The following APCDD1L variants were observed in gnomAD, a reference collection of about 807,000 sequenced individuals.
The protein encoded by APCDD1L is protein APCDD1-like.
Under a neutral mutation model 24.2 loss-of-function variants are expected in APCDD1L, and 21 were observed. That is an observed-to-expected ratio of 0.87 (90% CI 0.61 to 1.25). The LOEUF (loss-of-function observed/expected upper bound fraction) is 1.25. Ranked by LOEUF, APCDD1L falls within the 50% of genes most tolerant of loss-of-function variation. The pLI is 0.00. For missense variants in APCDD1L, 704 were observed against 711.7 expected (o/e 0.99, Z 0.12); for synonymous variants, 321 against 323.6 (o/e 0.99, Z 0.09).
At chr20:58,485,883 G>T (rs1990110463) in intron 1 of APCDD1L, among the ~76,000 whole-genome samples, 1 of 152,206 alleles carries the variant, frequency 6.6e-6, no homozygotes, top group Non-Finnish European at 1.5e-5. Context: ...CCCCTCCTGA[G>T]GACAGATGTC....
rs1990342869 is a variant in APCDD1L, at chr20:58,497,222, T to G, written c.49+17437A>C. 1.3e-5 allele frequency among the ~76,000 whole-genome samples: 2 copies of G among 149,172 alleles called. No homozygotes were observed. The highest frequency in any genetic ancestry group is 3.0e-5 in the Non-Finnish European group (2 of 66,898). Reference sequence around the variant, plus strand: ...TGGGGGTGAGGGGGCATGCAGCGGGTGGAGGCTGAGGGGCAGATGCGGGTT... The same window carrying G: ...TGGGGGTGAGGGGGCATGCAGCGGGGGGAGGCTGAGGGGCAGATGCGGGTT... On this transcript the variant is annotated intron_variant, in intron 1 of 3. Transcript: ENST00000371149. This position sits in a 1 kb window ranked among gnomAD's most constrained non-coding sequence, Gnocchi z 4.3.
At position 58,494,774 on chromosome 20, in the gene APCDD1L, T is replaced by C. The variant is rs1022461904; in HGVS notation, c.49+19885A>G. On this transcript the variant is annotated intron_variant, in intron 1 of 3. Coordinates refer to ENST00000371149, the MANE Select transcript of APCDD1L (RefSeq NM_153360.3). The surrounding 1 kb of genome is among the most constrained non-coding windows in gnomAD (Gnocchi z 4.8). Reference sequence around the variant, plus strand: ...ACGAGCCCCGTACTTTGCCTGTGATTCCTGTCTCACGATCATCTCCTGGCA... The same window carrying C: ...ACGAGCCCCGTACTTTGCCTGTGATCCCTGTCTCACGATCATCTCCTGGCA... 6.6e-6 allele frequency among the ~76,000 whole-genome samples: 1 copy of C among 152,162 alleles called. No individual in the cohort carries two copies. The highest frequency in any genetic ancestry group is 6.5e-5 in the Admixed American group (1 of 15,278).
At chr20:58,506,159 A>G (rs913465123) in intron 1 of APCDD1L, among the ~76,000 whole-genome samples, 1 of 152,144 alleles carries the variant, frequency 6.6e-6, no homozygotes, top group Admixed American at 6.5e-5. Context: ...TAGCCACCAG[A>G]GTGGGCCCTT....
At chr20:58,512,931 C>G (rs1990656379) in intron 1 of APCDD1L, among the ~76,000 whole-genome samples, 3 of 152,168 alleles carry the variant, frequency 2.0e-5, no homozygotes. Context: ...CTTGGCTTCT[C>G]TGCTGTTGAA....
intron 3 of APCDD1L, among the ~76,000 whole-genome samples, chr20:58,465,244 G>A (rs1048209065): frequency 6.6e-6 from 1 of 152,068 alleles, no homozygotes; most frequent in Non-Finnish European, 1.5e-5. Context: ...TAATTTTGAG[G>A]TCATAAAAAG....
chr20:58,477,734 T>G (rs1366741375), intron 1 of APCDD1L, among the ~76,000 whole-genome samples: 1 of 152,218 alleles, frequency 6.6e-6, no homozygotes, highest in Non-Finnish European at 1.5e-5. Context: ...CCTACAATTA[T>G]TATTGGTGGT....
intron 3 of APCDD1L, among the ~76,000 whole-genome samples, chr20:58,462,914 T>C (rs867940354): frequency 6.0e-5 from 9 of 149,102 alleles, no homozygotes; most frequent in East Asian, 4.0e-4. Flanking sequence ...GAGGCCCAGG[T>C]GGATAGATCA....
chr20:58,477,030 G>A (rs982296780), intron 1 of APCDD1L, among the ~76,000 whole-genome samples: 1 of 152,040 alleles, frequency 6.6e-6, no homozygotes, highest in Non-Finnish European at 1.5e-5. Context: ...TTCTTACTTC[G>A]GTTTACTTTT....
intron 1 of APCDD1L, among the ~76,000 whole-genome samples, chr20:58,484,637 ACACACATT>A (rs1307508201): frequency 6.6e-6 from 1 of 152,182 alleles, no homozygotes; most frequent in East Asian, 1.9e-4. Context: ...GTGGGGACTA[ACACACATT>A]CACACATTCA....
At chr20:58,492,310 G>T (rs1213859406) in intron 1 of APCDD1L, among the ~76,000 whole-genome samples, 1 of 152,196 alleles carries the variant, frequency 6.6e-6, no homozygotes, top group African/African-American at 2.4e-5. Context: ...TAAGATACAG[G>T]TTGTGTAAAG....
chr20:58,473,132 G>A (rs897030656), intron 1 of APCDD1L, among the ~76,000 whole-genome samples: 20 of 152,140 alleles, frequency 1.3e-4, no homozygotes, highest in African/African-American at 4.3e-4. Flanking sequence ...TCAAGCTTGC[G>A]TTTCAGAGTA....
intron 1 of APCDD1L, among the ~76,000 whole-genome samples, chr20:58,512,940 A>C (rs1990656584): frequency 6.6e-6 from 1 of 152,018 alleles, no homozygotes; most frequent in African/African-American, 2.4e-5. Flanking sequence ...TCTGCTGTTG[A>C]ATCTGTCTGA....
At position 58,502,899 on chromosome 20, in the gene APCDD1L, C is replaced by T. The variant is rs111454522; in HGVS notation, c.49+11760G>A. Among the ~76,000 whole-genome samples, 540 of 152,268 alleles carry T rather than the reference C, an allele frequency of 3.5e-3. 7 individuals are homozygous for T. Among genetic ancestry groups the T allele is most frequent in the African/African-American group, 0.012 (512 of 41,552 alleles). Reference sequence around the variant, plus strand: ...TTCCACGTTCTTGTTGAAGCTCTTACAGGGCTCTAGAGACTCAGGGGCCCA... The same window carrying T: ...TTCCACGTTCTTGTTGAAGCTCTTATAGGGCTCTAGAGACTCAGGGGCCCA... On this transcript the variant is annotated intron_variant, in intron 1 of 3. Coordinates refer to ENST00000371149, the MANE Select transcript of APCDD1L (RefSeq NM_153360.3).
At chr20:58,489,515 C>A (rs966253071) in intron 1 of APCDD1L, among the ~76,000 whole-genome samples, 1 of 151,998 alleles carries the variant, frequency 6.6e-6, no homozygotes, top group Non-Finnish European at 1.5e-5. Flanking sequence ...AACCCTGTCT[C>A]TACTAAAAAT....
chr20:58,495,664 C>T (rs1482145750), intron 1 of APCDD1L, among the ~76,000 whole-genome samples: 3 of 152,128 alleles, frequency 2.0e-5, no homozygotes, highest in South Asian at 2.1e-4. Flanking sequence ...CCTCGTCTGT[C>T]GCGGGGTCAG....
intron 2 of APCDD1L, among the ~76,000 whole-genome samples, chr20:58,468,246 T>TA (rs1428027156): frequency 6.6e-6 from 1 of 152,228 alleles, no homozygotes; most frequent in African/African-American, 2.4e-5. Flanking sequence ...ATTGTAGAGC[T>TA]AATGCAGCTA....
In APCDD1L at chr20:58,467,089, C is replaced by G; in HGVS notation, c.741+17G>C. On this transcript the variant is annotated intron_variant, in intron 3 of 3. Coordinates refer to ENST00000371149, the MANE Select transcript of APCDD1L (RefSeq NM_153360.3). This position sits in a 1 kb window ranked among gnomAD's most constrained non-coding sequence, Gnocchi z 5.9. The stretch of plus-strand genomic sequence containing the variant: ...GACCACCACCCCCCTCTCCCACACC[C>G]CAACACACACACTCACCAGTGCGCT... The G allele has an allele frequency of 6.3e-7, 1 of 1,589,644 alleles. No homozygotes were observed. The highest frequency in any genetic ancestry group is 8.5e-7 in the Non-Finnish European group (1 of 1,171,672).
At chr20:58,465,343 G>C (rs906096568) in intron 3 of APCDD1L, among the ~76,000 whole-genome samples, 2 of 152,182 alleles carry the variant, frequency 1.3e-5, no homozygotes, top group African/African-American at 4.8e-5. Context: ...AGGGGGTGGG[G>C]GAAGGGGAGG....
chr20:58,475,896 C>G (rs1269319547), intron 1 of APCDD1L, among the ~76,000 whole-genome samples: 1 of 152,180 alleles, frequency 6.6e-6, no homozygotes, highest in Non-Finnish European at 1.5e-5. Context: ...CTGTCTGCAC[C>G]TGTGTCCAAA....
Sources: allele counts gnomAD v4.1 joint callset (sites outside exome capture counted in the v4.1 genomes callset), GRCh38; gene constraint gnomAD v4.1.1; non-coding constraint Gnocchi (gnomAD v3.1); transcripts MANE v1.5; gene names NCBI Gene and HGNC (gene_info 2026-07-23, HGNC 2026-07-21).